NSD1: variants seen among roughly 807,000 people sequenced by gnomAD.
The protein encoded by NSD1 is nuclear receptor binding SET domain protein 1.
A neutral mutation model predicts 242.7 loss-of-function variants in NSD1; 26 were observed. The ratio of observed to expected loss-of-function variants is 0.11; its 90% confidence interval spans 0.08 to 0.15. The LOEUF (loss-of-function observed/expected upper bound fraction) is 0.15. NSD1 is among the 10% of genes least tolerant of loss of function. The pLI is 1.00. For missense variants in NSD1, 2,495 were observed against 3,272.8 expected, an observed-to-expected ratio of 0.76 and a Z score of 5.80; for synonymous variants, 1,106 against 1,178.1, an observed-to-expected ratio of 0.94 and a Z score of 1.25.
chr5:177,212,990 A>T (rs1179233719), intron 5 of NSD1, among the ~76,000 whole-genome samples: 1 of 152,162 alleles, frequency 6.6e-6, no homozygotes. Flanking sequence ...GGACAATTTG[A>T]TGAACCACAT....
chr5:177,168,681 G>A (rs540852625), intron 2 of NSD1, among the ~76,000 whole-genome samples: 5 of 152,110 alleles, frequency 3.3e-5, no homozygotes, highest in African/African-American at 7.2e-5. Flanking sequence ...GGCTGGTCTC[G>A]AACTCCTGAT....
intron 9 of NSD1, among the ~76,000 whole-genome samples, 159 bp from the exon 10 acceptor site, chr5:177,246,519 T>A (rs1412205383): frequency 6.6e-6 from 1 of 152,252 alleles, no homozygotes; most frequent in East Asian, 1.9e-4. Flanking sequence ...TGTTATGTCA[T>A]CATGAGTTAG....
chr5:177,260,231 G>A (rs1756877356), intron 14 of NSD1, 63 bp downstream of exon 14: 4 of 1,466,336 alleles, frequency 2.7e-6, no homozygotes, highest in South Asian at 1.2e-5. Context: ...GTTTTAATTG[G>A]AACAAAAATA....
chr5:177,143,408 G>A (rs1370399534), intron 2 of NSD1, among the ~76,000 whole-genome samples: 1 of 151,568 alleles, frequency 6.6e-6, no homozygotes, highest in Non-Finnish European at 1.5e-5. Context: ...TGCAATCTCC[G>A]TCTGCCGTGT....
In NSD1 at chr5:177,297,065, G is replaced by T. The variant is rs886060450; in HGVS notation, c.*1606G>T. ...CACGGAGGGAACAGTAGTTATTATA[G>T]AAGCATTTGCGCTTTATCTAAAGAT... is the stretch of plus-strand genomic sequence containing the variant. On this transcript the variant is annotated 3_prime_UTR_variant, in exon 23 of 23. Transcript: ENST00000439151. The T allele has an allele frequency of 7.3e-5, 17 of 233,092 alleles. No homozygotes were observed. Among genetic ancestry groups the T allele is most frequent in the African/African-American group, 1.3e-4 (6 of 45,324 alleles). The allele number at this position is 233,092 out of a possible 1,614,324, so 14.4% of individuals were successfully genotyped here.
intron 18 of NSD1, 94 bp from the exon 19 acceptor site, chr5:177,282,371 A>G: frequency 1.2e-6 from 1 of 818,430 alleles, no homozygotes; most frequent in Non-Finnish European, 2.2e-6. Context: ...GCTTTGTAGA[A>G]TGTGATGTTT....
In NSD1 at chr5:177,294,726, C is replaced by T; in HGVS notation, c.7358C>T (p.Ala2453Val). ...AATACTCAGTCAAAAAATAGAGCTG[C>T]TTTGGTGATGGATCTCATAGACCTA... ...DQNTQSKNRA[A>V]LVMDLIDLTP... Residue 2453 changes from alanine (A) to valine (V), a missense_variant, in exon 23 of 23, where the codon GCT becomes GTT. Ala to Val is a moderately conservative substitution (Grantham distance 64). Around this residue, in one of 19 missense-constraint regions of NSD1, gnomAD observed 475 missense variants for 563.7 expected, o/e 0.84. Transcript: ENST00000439151. 1 of 1,614,216 alleles carries T rather than the reference C, an allele frequency of 6.2e-7. No individual in the cohort carries two copies. Among genetic ancestry groups the T allele is most frequent in the South Asian group, 1.1e-5 (1 of 91,090 alleles).
At chr5:177,214,926 C>A (rs1763649708) in intron 5 of NSD1, among the ~76,000 whole-genome samples, 1 of 152,236 alleles carries the variant, frequency 6.6e-6, no homozygotes, top group South Asian at 2.1e-4. Flanking sequence ...TGGTCTCGAT[C>A]TCCTGACCTC....
chr5:177,236,938 G>C (rs1765494587), intron 6 of NSD1, among the ~76,000 whole-genome samples: 1 of 152,188 alleles, frequency 6.6e-6, no homozygotes, highest in South Asian at 2.1e-4. Context: ...CTGGGTTTAA[G>C]CAATGTTTCC....
chr5:177,281,909 G>A (rs1758926378), intron 18 of NSD1, among the ~76,000 whole-genome samples: 1 of 152,112 alleles, frequency 6.6e-6, no homozygotes, highest in South Asian at 2.1e-4. Context: ...CAGAGTGTTG[G>A]GTTTACAGGC....
chr5:177,182,014 T>C (rs1337340357), intron 2 of NSD1, among the ~76,000 whole-genome samples: 2 of 151,938 alleles, frequency 1.3e-5, no homozygotes, highest in Non-Finnish European at 2.9e-5. Flanking sequence ...TAGCCAGGCA[T>C]GGTGGCGGGC....
chr5:177,188,170 T>C (rs763331367), intron 2 of NSD1, among the ~76,000 whole-genome samples: 2 of 152,318 alleles, frequency 1.3e-5, no homozygotes, highest in South Asian at 2.1e-4. Flanking sequence ...TTGTGTGTAG[T>C]TGAATTATGG....
At chr5:177,168,499 G>A (rs572733592) in intron 2 of NSD1, among the ~76,000 whole-genome samples, 3 of 142,766 alleles carry the variant, frequency 2.1e-5, no homozygotes, top group African/African-American at 5.2e-5. Context: ...TCACTTTGTC[G>A]CCCAGGCTGG....
At chr5:177,195,533 T>C (rs1762042105) in intron 3 of NSD1, among the ~76,000 whole-genome samples, 1 of 152,146 alleles carries the variant, frequency 6.6e-6, no homozygotes, top group South Asian at 2.1e-4. Flanking sequence ...AGTGGCGTGA[T>C]CATGACTCAT....
At chr5:177,250,058 C>T (rs749971130) in intron 11 of NSD1, among the ~76,000 whole-genome samples, 15 of 152,196 alleles carry the variant, frequency 9.9e-5, no homozygotes, top group Non-Finnish European at 1.6e-4. Flanking sequence ...TGCACTCCCA[C>T]CTGGGTGACT....
intron 5 of NSD1, among the ~76,000 whole-genome samples, chr5:177,219,268 CT>C (rs1334912804): frequency 6.6e-6 from 1 of 151,924 alleles, no homozygotes; most frequent in Non-Finnish European, 1.5e-5. Flanking sequence ...TCACTGCAAG[CT>C]CCACCTCCCG....
chr5:177,152,463 G>A (rs1448609344), intron 2 of NSD1, among the ~76,000 whole-genome samples: 8 of 150,322 alleles, frequency 5.3e-5, no homozygotes, highest in African/African-American at 2.0e-4. Flanking sequence ...CTGCCTCCTG[G>A]GTTCAAGCGA....
chr5:177,264,152 T>C (rs556896331), intron 14 of NSD1, among the ~76,000 whole-genome samples: 3 of 150,214 alleles, frequency 2.0e-5, no homozygotes, highest in African/African-American at 7.3e-5. Flanking sequence ...CCTCCTGCCT[T>C]AGCCTCCTGA....
chr5:177,284,447 T>G (rs1023567363), intron 20 of NSD1, among the ~76,000 whole-genome samples: 31 of 152,004 alleles, frequency 2.0e-4, no homozygotes, highest in African/African-American at 7.5e-4. Flanking sequence ...CCAGGTTTTT[T>G]GTTTTTTGTT....
Sources: allele counts gnomAD v4.1 joint callset (sites outside exome capture counted in the v4.1 genomes callset), GRCh38; gene constraint gnomAD v4.1.1; regional missense constraint gnomAD v4.1.1; transcripts MANE v1.5; gene names NCBI Gene and HGNC (gene_info 2026-07-23, HGNC 2026-07-21).